Variants in PAK5 observed in about 807,000 individuals in gnomAD.
PAK5 encodes the protein p21 (RAC1) activated kinase 5.
PAK5 carries 16 observed loss-of-function variants against 65.9 expected under a neutral mutation model. The observed-to-expected ratio is 0.24, with a 90% CI of 0.16 to 0.37. The LOEUF (loss-of-function observed/expected upper bound fraction) is 0.37, where lower values mean the gene tolerates loss of function less well. Among genes scored for constraint, PAK5 ranks in the 10% least tolerant of loss-of-function variants. The probability of loss-of-function intolerance (pLI) is 1.00; values close to 1 mark genes in which losing one functional copy is unlikely to be tolerated. For synonymous variants in PAK5, 371 were observed against 354.9 expected, an observed-to-expected ratio of 1.05 and a Z score of -0.51; for missense variants, 785 against 903.9, an observed-to-expected ratio of 0.87 and a Z score of 1.69.
At chr20:9,785,009 C>A (rs539387418) in intron 1 of PAK5, among the ~76,000 whole-genome samples, 1 of 151,736 alleles carries the variant, frequency 6.6e-6, no homozygotes, top group Non-Finnish European at 1.5e-5. Flanking sequence ...TTCAGTAAGC[C>A]GTCATATTAT....
At chr20:9,786,778 T>C (rs2048997467) in intron 1 of PAK5, among the ~76,000 whole-genome samples, 1 of 152,158 alleles carries the variant, frequency 6.6e-6, no homozygotes, top group Admixed American at 6.6e-5. Context: ...AAATACAGAA[T>C]GTGTTTCAAT....
chr20:9,804,838 CAGG>C (rs1207861142), intron 1 of PAK5, among the ~76,000 whole-genome samples: 2 of 152,076 alleles, frequency 1.3e-5, no homozygotes, highest in African/African-American at 4.8e-5. Context: ...TGCTTGAGGC[CAGG>C]AGTTTAGGAC....
At chr20:9,617,604 G>GGAGT (rs746949873) in intron 3 of PAK5, among the ~76,000 whole-genome samples, 11 of 131,148 alleles carry the variant, frequency 8.4e-5, no homozygotes, top group Non-Finnish European at 1.2e-4. Flanking sequence ...CACCCAGGCT[G>GGAGT]GAGTGCAGTG....
chr20:9,714,121 C>A (rs1052060210), intron 1 of PAK5, among the ~76,000 whole-genome samples: 4 of 151,946 alleles, frequency 2.6e-5, no homozygotes. Context: ...CATGTATCCC[C>A]AAAATAGGTA....
At chr20:9,651,134 C>T (rs1176851193) in intron 2 of PAK5, among the ~76,000 whole-genome samples, 1 of 152,172 alleles carries the variant, frequency 6.6e-6, no homozygotes, top group African/African-American at 2.4e-5. Context: ...GAATCTGAGT[C>T]CTGCTACATT....
At chr20:9,614,721 T>C (rs2046624140) in intron 3 of PAK5, among the ~76,000 whole-genome samples, 1 of 152,252 alleles carries the variant, frequency 6.6e-6, no homozygotes, top group Admixed American at 6.5e-5. Flanking sequence ...CATTCTATAC[T>C]CTGTGACATT....
chr20:9,544,103 T>C (rs1287237467), intron 8 of PAK5, among the ~76,000 whole-genome samples: 1 of 152,184 alleles, frequency 6.6e-6, no homozygotes, highest in Non-Finnish European at 1.5e-5. Context: ...GAGAGTGGGA[T>C]CAGAGTTGGA....
At position 9,716,646 on chromosome 20, in the gene PAK5, T is replaced by C. The variant is rs550612785; in HGVS notation, c.-161-5211A>G. On this transcript the variant is annotated intron_variant, in intron 1 of 9. Coordinates refer to ENST00000353224, the MANE Select transcript of PAK5 (RefSeq NM_177990.4). Reference sequence around the variant, plus strand: ...AATAGCCAAATTAATCAAGTAAATATTAGATATCATAAAATTACTTTAAGA... The same window carrying C: ...AATAGCCAAATTAATCAAGTAAATACTAGATATCATAAAATTACTTTAAGA... Among the ~76,000 whole-genome samples the C allele has an allele frequency of 4.6e-5, 7 of 152,320 alleles. No homozygotes were observed. In the South Asian group the frequency reaches 1.2e-3, roughly 27 times the overall value.
chr20:9,635,223 C>G (rs2046969262), intron 3 of PAK5, among the ~76,000 whole-genome samples: 1 of 152,158 alleles, frequency 6.6e-6, no homozygotes, highest in African/African-American at 2.4e-5. Context: ...CTGTTCACAA[C>G]CATTTGACTA....
chr20:9,759,757 T>C (rs2048677257), intron 1 of PAK5, among the ~76,000 whole-genome samples: 1 of 152,138 alleles, frequency 6.6e-6, no homozygotes, highest in African/African-American at 2.4e-5. Flanking sequence ...AATGACTCCC[T>C]GGAGGCAGGA....
intron 4 of PAK5, among the ~76,000 whole-genome samples, chr20:9,566,774 T>C (rs2045690111): frequency 6.6e-6 from 1 of 152,138 alleles, no homozygotes; most frequent in Non-Finnish European, 1.5e-5. Context: ...CATATATGTA[T>C]AACACAGGTA....
rs1200799369 is a variant in PAK5 at position 9,732,148 on chromosome 20, A to G, written c.-161-20713T>C. Among the ~76,000 whole-genome samples the G allele has an allele frequency of 2.0e-5, 3 of 151,952 alleles. No individual in the cohort carries two copies. The East Asian group carries it at 5.8e-4, about 29-fold the overall frequency. ...GTAAAACTTCTAGCCAAAAATTAGT[A>G]CTGCATCAAAAATGGAAAAAACTCA... On this transcript the variant is annotated intron_variant, in intron 1 of 9. Transcript: ENST00000353224.
chr20:9,833,413 T>C (rs768557593), intron 1 of PAK5, among the ~76,000 whole-genome samples: 7 of 151,948 alleles, frequency 4.6e-5, no homozygotes, highest in Non-Finnish European at 1.0e-4. Context: ...ACCACTTCCA[T>C]CTACCTACCT....
chr20:9,798,477 C>T lies in PAK5; in HGVS notation c.-162+40285G>A, dbSNP rs149143528. 9.9e-4 allele frequency among the ~76,000 whole-genome samples: 150 copies of T among 152,182 alleles called. 1 individual carries two copies. Among genetic ancestry groups the T allele is most frequent in the African/African-American group, 3.2e-3 (132 of 41,538 alleles). On this transcript the variant is annotated intron_variant, in intron 1 of 9. Transcript: ENST00000353224. The stretch of plus-strand genomic sequence containing the variant: ...GGAGAAAACAGGATTCAGACACCAG[C>T]TGATTTACAGATTTGTGATAAGAAG...
At chr20:9,829,228 A>G (rs1978517098) in intron 1 of PAK5, among the ~76,000 whole-genome samples, 1 of 152,230 alleles carries the variant, frequency 6.6e-6, no homozygotes, top group African/African-American at 2.4e-5. Flanking sequence ...TTCCCTTTTC[A>G]TGAGGAAATC....
intron 2 of PAK5, among the ~76,000 whole-genome samples, chr20:9,704,625 T>C (rs558838966): frequency 2.0e-3 from 305 of 152,292 alleles, no homozygotes; most frequent in African/African-American, 6.9e-3. Context: ...CTACTTGTTT[T>C]AGTTCAGTTT....
At chr20:9,623,248 A>G (rs1274440063) in intron 3 of PAK5, among the ~76,000 whole-genome samples, 1 of 152,072 alleles carries the variant, frequency 6.6e-6, no homozygotes, top group African/African-American at 2.4e-5. Flanking sequence ...GTGAGTTGGG[A>G]GTTTGTTGAA....
At chr20:9,803,823 C>T (rs2049199953) in intron 1 of PAK5, among the ~76,000 whole-genome samples, 1 of 152,144 alleles carries the variant, frequency 6.6e-6, no homozygotes, top group African/African-American at 2.4e-5. Context: ...TCTGTAAATC[C>T]AGAAATAAAA....
chr20:9,746,978 C>A (rs532327436), intron 1 of PAK5, among the ~76,000 whole-genome samples: 1 of 151,788 alleles, frequency 6.6e-6, no homozygotes, highest in Non-Finnish European at 1.5e-5. Context: ...ATCAAATAGA[C>A]GCAATAAAAA....
Sources: gnomAD v4.1 joint callset for allele counts (sites outside exome capture counted in the v4.1 genomes callset) on GRCh38, gnomAD v4.1.1 for gene constraint, MANE v1.5 for transcripts, NCBI Gene and HGNC (gene_info 2026-07-23, HGNC 2026-07-21) for gene names.